CDC37: variants seen among roughly 807,000 people sequenced by gnomAD.
CDC37 encodes the protein hsp90 co-chaperone Cdc37.
A neutral mutation model predicts 46.9 loss-of-function variants in CDC37; 9 were observed. The observed-to-expected ratio is 0.19, with a 90% CI of 0.12 to 0.33. CDC37 has a LOEUF of 0.33. Among genes scored for constraint, CDC37 ranks in the 10% least tolerant of loss-of-function variants. The probability of loss-of-function intolerance (pLI) is 1.00; values close to 1 mark genes in which losing one functional copy is unlikely to be tolerated. For synonymous variants in CDC37, 193 were observed against 191.0 expected (o/e 1.01, Z -0.09); for missense variants, 388 against 514.6 (o/e 0.75, Z 2.38).
In CDC37 at chr19:10,396,126, C is replaced by G. The variant is rs776392494; in HGVS notation, c.180G>C (p.Lys60Asn). 1 of 1,614,132 alleles carries G rather than the reference C, an allele frequency of 6.2e-7. No homozygotes were observed. Among genetic ancestry groups the G allele is most frequent in the Non-Finnish European group, 8.5e-7 (1 of 1,180,014 alleles). ...LDRGCRECKRKVAECQRKLKE... is the reference protein window; with the variant it reads ...LDRGCRECKRNVAECQRKLKE... ...TCAGTTTCCTCTGGCACTCGGCCAC[C>G]TTGCGCTTGCACTCGCGGCAGCCCC... Residue 60 changes from lysine (K) to asparagine (N), a missense_variant, in exon 2 of 8, where the codon AAG becomes AAC. Lys to Asn is a moderately conservative substitution (Grantham distance 94). Transcript: ENST00000222005. This position sits in a 1 kb window ranked among gnomAD's most constrained non-coding sequence, Gnocchi z 5.9.
intron 1 of CDC37, among the ~76,000 whole-genome samples, chr19:10,397,097 CAT>C (rs914377632): frequency 5.9e-5 from 9 of 152,180 alleles, no homozygotes; most frequent in Admixed American, 3.9e-4. Context: ...CCACTAACAT[CAT>C]ATGACAATTA....
chr19:10,396,076 C>T lies in CDC37; in HGVS notation c.230G>A (p.Gly77Asp). The part of the protein sequence containing the change: ...KLKELEVAEG[G>D]KAELERLQAE... ...CTGCAGGCGCTCCAGCTCTGCCTTG[C>T]CGCCCTCGGCCACCTCCAGCTCCTT... The change falls in exon 2 of 8, where the codon GGC becomes GAC. Residue 77 changes from glycine to aspartate, a missense_variant. Physicochemically the swap from Gly to Asp is moderately conservative, Grantham distance 94. Transcript: ENST00000222005. This position sits in a 1 kb window ranked among gnomAD's most constrained non-coding sequence, Gnocchi z 5.9. 6.2e-7 allele frequency: 1 copy of T among 1,614,048 alleles called. No individual in the cohort carries two copies.
At position 10,393,513 on chromosome 19, in the gene CDC37, C is replaced by CTG; in HGVS notation, c.727-73_727-72insCA. The CTG allele has an allele frequency of 6.8e-7, 1 of 1,464,556 alleles. No individual in the cohort carries two copies. The highest frequency in any genetic ancestry group is 9.2e-7 in the Non-Finnish European group (1 of 1,089,756). 90.7% of individuals were successfully genotyped at this position (1,464,556 alleles called of 1,614,324 possible). A position where few individuals can be genotyped will look rare whatever the true frequency, so the allele number is the denominator to read the frequency against. On this transcript the variant is annotated intron_variant, in intron 5 of 7. Coordinates refer to ENST00000222005, the MANE Select transcript of CDC37 (RefSeq NM_007065.4). This position sits in a 1 kb window ranked among gnomAD's most constrained non-coding sequence, Gnocchi z 4.9. ...AGGGACTGGGGGGCCCAGGACCCTC[C>CTG]AGCCACAGCTCCTCAGAGGCGCCCC...
At chr19:10,400,262 C>T (rs753804279) in intron 1 of CDC37, among the ~76,000 whole-genome samples, 1 of 152,214 alleles carries the variant, frequency 6.6e-6, no homozygotes, top group African/African-American at 2.4e-5. Context: ...GAAACTGAGG[C>T]TCACAGAATC....
rs2042457932 is a variant in CDC37, at chr19:10,391,689, C to T, written c.999G>A (p.Met333Ile). ...AGAGGCCAGAGTCAATGCAGCGCTG[C>T]ATGTGGTACTTTGCGTCCTGTGAGG... Reference protein sequence around the residue: ...KMDPTDAKYHMQRCIDSGLWV... With the variant: ...KMDPTDAKYHIQRCIDSGLWV... The change falls in exon 8 of 8, where the codon ATG (methionine) becomes ATA (isoleucine). Residue 333 changes from methionine to isoleucine, a missense_variant. Transcript: ENST00000222005. 6.2e-7 allele frequency: 1 copy of T among 1,613,534 alleles called. No individual in the cohort carries two copies. The highest frequency in any genetic ancestry group is 1.1e-5 in the South Asian group (1 of 91,060).
rs561679034 is a variant in CDC37 at position 10,396,386 on chromosome 19, C to T, written c.103-183G>A. Among the ~76,000 whole-genome samples, 1 of 152,294 alleles carries T rather than the reference C, an allele frequency of 6.6e-6. No individual in the cohort carries two copies. The highest frequency in any genetic ancestry group is 1.5e-5 in the Non-Finnish European group (1 of 68,016). On this transcript the variant is annotated intron_variant, in intron 1 of 7. Coordinates refer to ENST00000222005, the MANE Select transcript of CDC37 (RefSeq NM_007065.4). This position sits in a 1 kb window ranked among gnomAD's most constrained non-coding sequence, Gnocchi z 5.9. ...GCGCACACCCAAGTGGGGTCAGGTC[C>T]CTCCGTCCTCTGCTCAGAACCCTGG...
rs146531345 is a variant in CDC37 at position 10,395,409 on chromosome 19, C to T, written c.487+26G>A. ...GCAAAGGGCCTGCCTCGACCTTGCC[C>T]CCCATAACCCACAAGCCCCACTCAC... On this transcript the variant is annotated intron_variant, in intron 3 of 7. Coordinates refer to ENST00000222005, the MANE Select transcript of CDC37 (RefSeq NM_007065.4). 0.016 allele frequency: 25,339 copies of T among 1,607,086 alleles called. 266 individuals carry two copies. Among genetic ancestry groups the T allele is most frequent in the Non-Finnish European group, 0.018 (20,624 of 1,173,586 alleles).
Position 10,398,398 on chromosome 19 carries a change from G to A in CDC37, c.103-2195C>T, listed in dbSNP as rs2042502478. ...CCTGAGGCACCACTGATCCCTAAAG[G>A]ACCTCCTGTGACCATCTGACGATGT... On this transcript the variant is annotated intron_variant, in intron 1 of 7. Coordinates refer to ENST00000222005, the MANE Select transcript of CDC37 (RefSeq NM_007065.4). This position sits in a 1 kb window ranked among gnomAD's most constrained non-coding sequence, Gnocchi z 4.2. 1.3e-5 allele frequency among the ~76,000 whole-genome samples: 2 copies of A among 152,182 alleles called. No homozygotes were observed. The highest frequency in any genetic ancestry group is 2.9e-5 in the Non-Finnish European group (2 of 68,040).
intron 1 of CDC37, among the ~76,000 whole-genome samples, chr19:10,397,467 G>C (rs1436442070): frequency 2.1e-5 from 3 of 143,214 alleles, no homozygotes; most frequent in Non-Finnish European, 3.0e-5. Context: ...CTGGAGTGCA[G>C]TGGCGTGATC....
At chr19:10,397,827 C>CCGCTCACCCCAGCCCCAGATGT in intron 1 of CDC37, among the ~76,000 whole-genome samples, 1 of 152,210 alleles carries the variant, frequency 6.6e-6, no homozygotes, top group Non-Finnish European at 1.5e-5. Flanking sequence ...TACCTGCTTC[C>CCGCTCACCCCAGCCCCAGATGT]CGCTCACCCC....
At chr19:10,395,830 C>T (rs888486443) in intron 2 of CDC37, 98 bp downstream of exon 2, 6 of 1,397,314 alleles carry the variant, frequency 4.3e-6, no homozygotes, top group Non-Finnish European at 5.0e-6. Context: ...ACTACACCAC[C>T]GGGGTCCTCC....
chr19:10,393,051 C>G lies in CDC37; in HGVS notation c.981+35G>C. Reference sequence around the variant, plus strand: ...CACAGGGCTGGGGGAGACACACGGCCCGCCGGGAAGGCATGGGGCGCGGGG... The same window carrying G: ...CACAGGGCTGGGGGAGACACACGGCGCGCCGGGAAGGCATGGGGCGCGGGG... On this transcript the variant is annotated intron_variant, in intron 7 of 7. Coordinates refer to ENST00000222005, the MANE Select transcript of CDC37 (RefSeq NM_007065.4). The surrounding 1 kb of genome is among the most constrained non-coding windows in gnomAD (Gnocchi z 4.9). 6.3e-7 allele frequency: 1 copy of G among 1,593,526 alleles called. No individual in the cohort carries two copies. The highest frequency in any genetic ancestry group is 8.6e-7 in the Non-Finnish European group (1 of 1,161,422).
chr19:10,400,525 C>T (rs1437058522), intron 1 of CDC37: 1 of 152,146 alleles, frequency 6.6e-6, no homozygotes, highest in Non-Finnish European at 1.5e-5. Context: ...ATGGTGAAAC[C>T]CTGTCTCTAC....
At position 10,403,513 on chromosome 19, in the gene CDC37, G is replaced by C; in HGVS notation, c.-34C>G. On this transcript the variant is annotated 5_prime_UTR_variant, in exon 1 of 8. Coordinates refer to ENST00000222005, the MANE Select transcript of CDC37 (RefSeq NM_007065.4). Reference sequence around the variant, plus strand: ...GGCGGCCCAGCCCGCTCCGGCTCGGGTGGCGGCGACGGCGGCAGCAGTGGA... The same window carrying C: ...GGCGGCCCAGCCCGCTCCGGCTCGGCTGGCGGCGACGGCGGCAGCAGTGGA... 4 of 1,545,010 alleles carry C rather than the reference G, an allele frequency of 2.6e-6. No homozygotes were observed. Among genetic ancestry groups the C allele is most frequent in the South Asian group, 1.1e-5 (1 of 89,180 alleles).
At chr19:10,394,044 C>T (rs1047770423) in intron 5 of CDC37, among the ~76,000 whole-genome samples, 6 of 152,172 alleles carry the variant, frequency 3.9e-5, no homozygotes, top group African/African-American at 9.6e-5. Flanking sequence ...GAGCCGAGAT[C>T]GTGCTACTGC....
At position 10,396,549 on chromosome 19, in the gene CDC37, C is replaced by G. The variant is rs1005509078; in HGVS notation, c.103-346G>C. 6.6e-6 allele frequency among the ~76,000 whole-genome samples: 1 copy of G among 152,122 alleles called. No homozygotes were observed. Among genetic ancestry groups the G allele is most frequent in the African/African-American group, 2.4e-5 (1 of 41,412 alleles). On this transcript the variant is annotated intron_variant, in intron 1 of 7. Coordinates refer to ENST00000222005, the MANE Select transcript of CDC37 (RefSeq NM_007065.4). The surrounding 1 kb of genome is among the most constrained non-coding windows in gnomAD (Gnocchi z 5.9). ...CACTTTTCTCACCTTTTCTTGAGGC[C>G]ATTTTTTTTGTTTAAGAAAACAAAA...
rs765806805 is a variant in CDC37, at chr19:10,396,565, G to GAAAAC, written c.103-367_103-363dup. Among the ~76,000 whole-genome samples, 18 of 151,858 alleles carry GAAAAC rather than the reference G, an allele frequency of 1.2e-4. No homozygotes were observed. Among genetic ancestry groups the GAAAAC allele is most frequent in the Admixed American group, 6.6e-4 (10 of 15,226 alleles). ...TCTTGAGGCCATTTTTTTTGTTTAA[G>GAAAAC]AAAACAAAACAAAACAAAACAAAAA... On this transcript the variant is annotated intron_variant, in intron 1 of 7. Transcript: ENST00000222005. This position sits in a 1 kb window ranked among gnomAD's most constrained non-coding sequence, Gnocchi z 5.9.
chr19:10,391,668 G>A lies in CDC37; in HGVS notation c.1020C>T (p.Gly340=). 6.2e-7 allele frequency: 1 copy of A among 1,614,066 alleles called. No individual in the cohort carries two copies. The highest frequency in any genetic ancestry group is 8.5e-7 in the Non-Finnish European group (1 of 1,179,994). ...KYHMQRCIDS[G]LWVPNSKASE... is the part of the protein sequence containing the mutation. ...TGGCCTTAGAGTTGGGGACCCAGAG[G>A]CCAGAGTCAATGCAGCGCTGCATGT... The change falls in exon 8 of 8, where the codon GGC becomes GGT. Residue 340 remains glycine, a synonymous_variant. Transcript: ENST00000222005.
In CDC37 at chr19:10,391,283, C is replaced by T; in HGVS notation, c.*268G>A. 1 of 488,406 alleles carries T rather than the reference C, an allele frequency of 2.0e-6. No homozygotes were observed. The highest frequency in any genetic ancestry group is 2.0e-5 in the African/African-American group (1 of 51,210). 30.3% of individuals were successfully genotyped at this position (488,406 alleles called of 1,614,324 possible). ...ACTACCTGGTAGACCAGCCTGGTGA[C>T]CTCTGCCCTTCCCCGGACCCCCGGG... On this transcript the variant is annotated 3_prime_UTR_variant, in exon 8 of 8. Transcript: ENST00000222005.
Sources: allele counts gnomAD v4.1 joint callset (sites outside exome capture counted in the v4.1 genomes callset), GRCh38; gene constraint gnomAD v4.1.1; non-coding constraint Gnocchi (gnomAD v3.1); transcripts MANE v1.5; gene names NCBI Gene and HGNC (gene_info 2026-07-23, HGNC 2026-07-21).